The following EVC2 variants were observed in gnomAD, a reference collection of about 807,000 sequenced individuals.
EVC2 encodes the protein limbin.
EVC2 carries 148 observed loss-of-function variants against 149.3 expected under a neutral mutation model. That is an observed-to-expected ratio of 0.99 (90% confidence interval 0.87 to 1.14). The LOEUF (loss-of-function observed/expected upper bound fraction) is 1.14. Ranked by LOEUF, EVC2 falls within the 50% of genes most tolerant of loss-of-function variation. The pLI, the probability that EVC2 is intolerant of heterozygous loss-of-function variation, is 0.00. For missense variants in EVC2, 1,854 were observed against 1,627.3 expected, an observed-to-expected ratio of 1.14 and a Z score of -2.40; for synonymous variants, 776 against 649.9, an observed-to-expected ratio of 1.19 and a Z score of -2.95.
At chr4:5,540,530 CAAAAT>C (rs1721493098), downstream of EVC2, among the ~76,000 whole-genome samples, 1 of 152,130 alleles carries the variant, frequency 6.6e-6, no homozygotes, top group Non-Finnish European at 1.5e-5. Context: ...GGATGAAACT[CAAAAT>C]AATTATGTTC....
intron 15 of EVC2, among the ~76,000 whole-genome samples, chr4:5,616,695 G>C (rs1004278510): frequency 2.0e-5 from 3 of 152,242 alleles, no homozygotes; most frequent in African/African-American, 7.2e-5. Context: ...CACCTTCTCT[G>C]CCGCTATCTC....
chr4:5,634,796 A>T (rs1193395415), intron 10 of EVC2, among the ~76,000 whole-genome samples: 1 of 151,934 alleles, frequency 6.6e-6, no homozygotes, highest in Non-Finnish European at 1.5e-5. Context: ...CAAACAGGGG[A>T]GGTCATGTTT....
At chr4:5,699,920 C>T (rs1721722363) in intron 1 of EVC2, among the ~76,000 whole-genome samples, 1 of 152,156 alleles carries the variant, frequency 6.6e-6, no homozygotes, top group South Asian at 2.1e-4. Context: ...GTAGGCTGAT[C>T]ACTTGAGGTC....
At chr4:5,628,333 A>C (rs934284798) in intron 12 of EVC2, among the ~76,000 whole-genome samples, 12 of 151,472 alleles carry the variant, frequency 7.9e-5, no homozygotes, top group African/African-American at 2.9e-4. Flanking sequence ...CACGGGTTTG[A>C]CTCCCTTTTT....
At chr4:5,572,460 G>A (rs558431359) in intron 19 of EVC2, among the ~76,000 whole-genome samples, 2 of 152,048 alleles carry the variant, frequency 1.3e-5, no homozygotes, top group South Asian at 4.2e-4. Flanking sequence ...AGCCCTTTTT[G>A]CCTTCCCATC....
chr4:5,665,310 A>G (rs901629478), intron 8 of EVC2, among the ~76,000 whole-genome samples: 1 of 151,868 alleles, frequency 6.6e-6, no homozygotes, highest in Admixed American at 6.6e-5. Context: ...GCACAGCAAG[A>G]CCCTGGCTCT....
chr4:5,616,241 C>T (rs747045243), intron 15 of EVC2, among the ~76,000 whole-genome samples: 1 of 152,160 alleles, frequency 6.6e-6, no homozygotes, highest in Admixed American at 6.5e-5. Flanking sequence ...CTGGTCAGGG[C>T]CCAGGCCACA....
chr4:5,574,485 G>T (rs540912655), intron 19 of EVC2, among the ~76,000 whole-genome samples, 200 bp downstream of exon 19: 1 of 152,328 alleles, frequency 6.6e-6, no homozygotes, highest in East Asian at 1.9e-4. Context: ...TGTGATTATG[G>T]TTGCGGTTGC....
chr4:5,538,494 A>G (rs1345168918), downstream of EVC2, among the ~76,000 whole-genome samples: 2 of 152,186 alleles, frequency 1.3e-5, no homozygotes, highest in Admixed American at 6.5e-5. Context: ...CCTGATTCCA[A>G]AACCAGACAA....
intron 9 of EVC2, among the ~76,000 whole-genome samples, chr4:5,651,559 T>G (rs1178246226): frequency 2.0e-5 from 3 of 152,162 alleles, no homozygotes; most frequent in Non-Finnish European, 1.5e-5. Flanking sequence ...AAATAACATT[T>G]GAAACTCTTA....
At chr4:5,577,723 C>A (rs1314770980) in intron 17 of EVC2, among the ~76,000 whole-genome samples, 1 of 152,154 alleles carries the variant, frequency 6.6e-6, no homozygotes, top group Admixed American at 6.5e-5. Flanking sequence ...CCTTCTATCC[C>A]CCCCAAGCAT....
chr4:5,550,698 T>A (rs1025306963), intron 21 of EVC2, among the ~76,000 whole-genome samples: 29 of 152,100 alleles, frequency 1.9e-4, no homozygotes, highest in Non-Finnish European at 4.0e-4. Flanking sequence ...CCCAAGACAA[T>A]GGGGAAAATG....
chr4:5,660,792 G>A (rs1393427621), intron 9 of EVC2, among the ~76,000 whole-genome samples: 1 of 152,196 alleles, frequency 6.6e-6, no homozygotes, highest in Non-Finnish European at 1.5e-5. Context: ...GAGAATGTCT[G>A]TAAAATATAA....
chr4:5,552,313 A>G (rs770244756), intron 21 of EVC2, among the ~76,000 whole-genome samples: 7 of 152,246 alleles, frequency 4.6e-5, no homozygotes, highest in Non-Finnish European at 8.8e-5. Flanking sequence ...TTACAACATT[A>G]TAACTAATAA....
rs367597630 is a variant in EVC2 at position 5,567,444 on chromosome 4, C to T, written c.3557+1000G>A. On this transcript the variant is annotated intron_variant, in intron 20 of 21. Coordinates refer to ENST00000344408, the MANE Select transcript of EVC2 (RefSeq NM_147127.5). The surrounding 1 kb of genome is among the most constrained non-coding windows in gnomAD (Gnocchi z 4.4). ...CACAGTCATGATGGTTCAGCAGGCT[C>T]TCGGGCTCCCAGATGCCCTCCTGGC... is the stretch of plus-strand genomic sequence containing the variant. 3.9e-5 allele frequency among the ~76,000 whole-genome samples: 6 copies of T among 152,186 alleles called. No individual in the cohort carries two copies. The highest frequency in any genetic ancestry group is 1.4e-4 in the African/African-American group (6 of 41,438).
downstream of EVC2, among the ~76,000 whole-genome samples, chr4:5,539,171 G>C (rs1721469425): frequency 6.6e-6 from 1 of 151,984 alleles, no homozygotes; most frequent in Admixed American, 6.6e-5. Flanking sequence ...AACAGAAACT[G>C]GAATTTTAAA....
At chr4:5,575,365 A>G (rs1458818841) in intron 18 of EVC2, among the ~76,000 whole-genome samples, 6 of 152,234 alleles carry the variant, frequency 3.9e-5, no homozygotes, top group African/African-American at 1.4e-4. Flanking sequence ...TGAATACTAT[A>G]TGCCCTAAAA....
At chr4:5,545,356 G>C (rs1279763387) in intron 21 of EVC2, among the ~76,000 whole-genome samples, 2 of 152,194 alleles carry the variant, frequency 1.3e-5, no homozygotes, top group Non-Finnish European at 2.9e-5. Context: ...TTCCGAGTCA[G>C]ACAGATGAGT....
intron 21 of EVC2, among the ~76,000 whole-genome samples, chr4:5,564,054 G>A (rs144270708): frequency 6.6e-6 from 1 of 151,924 alleles, no homozygotes; most frequent in African/African-American, 2.4e-5. Context: ...AGCAGGGCAG[G>A]ACAAGGCCAT....
Sources: gnomAD v4.1 joint callset for allele counts (sites outside exome capture counted in the v4.1 genomes callset) on GRCh38, gnomAD v4.1.1 for gene constraint, Gnocchi (gnomAD v3.1) non-coding constraint, MANE v1.5 for transcripts, NCBI Gene and HGNC (gene_info 2026-07-23, HGNC 2026-07-21) for gene names.